The following KDM4C variants were observed in gnomAD, a reference collection of about 807,000 sequenced individuals.
KDM4C encodes the protein lysine demethylase 4C.
Under a neutral mutation model 129.3 loss-of-function variants are expected in KDM4C, and 81 were observed. That is an observed-to-expected ratio of 0.63 (90% CI 0.52 to 0.75). The LOEUF is 0.75. Among genes scored for constraint, KDM4C ranks in the 30% least tolerant of loss-of-function variants. The pLI, the probability that KDM4C is intolerant of heterozygous loss-of-function variation, is 0.00. For synonymous variants in KDM4C, 573 were observed against 456.1 expected (o/e 1.26, Z -3.26); for missense variants, 1,457 against 1,304.0 (o/e 1.12, Z -1.81).
At chr9:6,896,391 C>T (rs1250993918) in intron 8 of KDM4C, among the ~76,000 whole-genome samples, 3 of 151,806 alleles carry the variant, frequency 2.0e-5, no homozygotes, top group Non-Finnish European at 4.4e-5. Flanking sequence ...ATTTGTTGTA[C>T]AGCATTAAAT....
chr9:6,760,539 CTTTTTTAT>C (rs976274320), intron 1 of KDM4C, among the ~76,000 whole-genome samples: 1 of 141,720 alleles, frequency 7.1e-6, no homozygotes. Context: ...GGGTGATACT[CTTTTTTAT>C]TTATTTATTT....
At chr9:6,804,297 T>C (rs1829561550) in intron 2 of KDM4C, among the ~76,000 whole-genome samples, 1 of 152,206 alleles carries the variant, frequency 6.6e-6, no homozygotes, top group African/African-American at 2.4e-5. Flanking sequence ...GCTGCTTATG[T>C]AGTGATGTCA....
upstream of KDM4C, among the ~76,000 whole-genome samples, chr9:6,755,194 A>G (rs185112562): frequency 3.8e-3 from 582 of 152,134 alleles, 4 homozygotes; most frequent in African/African-American, 0.014. Context: ...ACACGGTGAA[A>G]CCCCGTCTCC....
At chr9:7,100,317 T>C (rs1836924231) in intron 17 of KDM4C, among the ~76,000 whole-genome samples, 1 of 152,196 alleles carries the variant, frequency 6.6e-6, no homozygotes, top group African/African-American at 2.4e-5. Flanking sequence ...GTAGTGTTTA[T>C]CAAATCTCAG....
At chr9:6,881,482 A>G in intron 6 of KDM4C, among the ~76,000 whole-genome samples, 1 of 152,208 alleles carries the variant, frequency 6.6e-6, no homozygotes. Flanking sequence ...TTAAGACTAT[A>G]TTCTCAACTG....
At chr9:7,059,467 G>C in intron 17 of KDM4C, among the ~76,000 whole-genome samples, 1 of 152,192 alleles carries the variant, frequency 6.6e-6, no homozygotes, top group East Asian at 1.9e-4. Context: ...CAAACTATCT[G>C]TTACAAATGC....
intron 8 of KDM4C, among the ~76,000 whole-genome samples, chr9:6,943,043 GT>G (rs1488121694): frequency 6.6e-6 from 1 of 151,824 alleles, no homozygotes; most frequent in African/African-American, 2.4e-5. Context: ...TTTTTTTTAA[GT>G]TTTTTGTAGA....
chr9:6,974,538 A>G (rs1832608675), intron 8 of KDM4C, among the ~76,000 whole-genome samples: 1 of 152,220 alleles, frequency 6.6e-6, no homozygotes, highest in African/African-American at 2.4e-5. Flanking sequence ...TTGTATTTTT[A>G]GTAGAGACGG....
chr9:7,168,412 T>C (rs1844622523), intron 20 of KDM4C, among the ~76,000 whole-genome samples: 1 of 152,158 alleles, frequency 6.6e-6, no homozygotes, highest in African/African-American at 2.4e-5. Flanking sequence ...TTACATCCGT[T>C]TTGTTTCCTG....
chr9:6,924,939 C>G (rs1822208562), intron 8 of KDM4C: 4 of 984,590 alleles, frequency 4.1e-6, no homozygotes, highest in Non-Finnish European at 4.8e-6. Context: ...ATAATGTGTT[C>G]TGACAGTGGT....
At chr9:6,866,897 A>G (rs1381629148) in intron 5 of KDM4C, among the ~76,000 whole-genome samples, 2 of 127,562 alleles carry the variant, frequency 1.6e-5, no homozygotes, top group African/African-American at 6.3e-5. Flanking sequence ...TGCTGTATAT[A>G]TATATACATA....
At chr9:6,742,423 C>T (rs1817731481) in intron 1 of KDM4C, among the ~76,000 whole-genome samples, 2 of 152,092 alleles carry the variant, frequency 1.3e-5, no homozygotes, top group South Asian at 4.1e-4. Context: ...ATTTTATTAT[C>T]AAGCAGCCCC....
chr9:6,760,892 T>G (rs77543352), intron 1 of KDM4C, among the ~76,000 whole-genome samples: 2 of 151,884 alleles, frequency 1.3e-5, no homozygotes, highest in African/African-American at 4.8e-5. Context: ...CTTTCAAGCC[T>G]TGAAGGGGCC....
chr9:7,167,795 A>G (rs1328841981), intron 20 of KDM4C, among the ~76,000 whole-genome samples: 1 of 152,232 alleles, frequency 6.6e-6, no homozygotes, highest in Non-Finnish European at 1.5e-5. Context: ...ATGCATTGGC[A>G]CAGATGTGGC....
At chr9:6,802,565 A>G (rs1829207000) in intron 2 of KDM4C, among the ~76,000 whole-genome samples, 1 of 152,254 alleles carries the variant, frequency 6.6e-6, no homozygotes, top group South Asian at 2.1e-4. Flanking sequence ...TTATAAGACA[A>G]AATACTGAGT....
rs1281477961 is a variant in KDM4C, at chr9:6,834,233, G to A, written c.436-15274G>A. On this transcript the variant is annotated intron_variant, in intron 4 of 21. Transcript: ENST00000381309. The stretch of plus-strand genomic sequence containing the variant: ...GTATTTTTAGTAGAGGCAGGGTTTT[G>A]CCATGTTGCCCAGGCTGATTTCGGA... 2.0e-5 allele frequency among the ~76,000 whole-genome samples: 3 copies of A among 151,900 alleles called. No individual in the cohort carries two copies. The East Asian group carries it at 5.8e-4, about 29-fold the overall frequency.
At chr9:6,787,484 A>C (rs532425537) in intron 1 of KDM4C, among the ~76,000 whole-genome samples, 2 of 152,204 alleles carry the variant, frequency 1.3e-5, no homozygotes, top group African/African-American at 4.8e-5. Context: ...CTGCCTGCCT[A>C]GGCCTCCCAA....
At chr9:7,067,350 G>T (rs1221818582) in intron 17 of KDM4C, among the ~76,000 whole-genome samples, 1 of 152,226 alleles carries the variant, frequency 6.6e-6, no homozygotes, top group African/African-American at 2.4e-5. Context: ...AACAGTTTTT[G>T]TAACTTCAGC....
At chr9:6,798,945 G>A (rs1278081122) in intron 2 of KDM4C, among the ~76,000 whole-genome samples, 4 of 151,350 alleles carry the variant, frequency 2.6e-5, no homozygotes, top group Non-Finnish European at 5.9e-5. Context: ...GGGTCGAGGC[G>A]CTCCTCACAT....
Sources: gnomAD v4.1 joint callset for allele counts (sites outside exome capture counted in the v4.1 genomes callset) on GRCh38, gnomAD v4.1.1 for gene constraint, MANE v1.5 for transcripts, NCBI Gene and HGNC (gene_info 2026-07-23, HGNC 2026-07-21) for gene names.